Variants in DYM observed in about 807,000 individuals in gnomAD.
DYM encodes the protein dyggve-Melchior-Clausen syndrome protein.
In DYM, 78 loss-of-function variants were observed where a neutral mutation model predicts 93.1. The ratio of observed to expected loss-of-function variants is 0.84; its 90% confidence interval spans 0.70 to 1.01. The LOEUF (loss-of-function observed/expected upper bound fraction) is 1.01, where lower values mean the gene tolerates loss of function less well. Ranked by LOEUF, DYM falls within the 50% of genes least tolerant of loss-of-function variation. The pLI, the probability that DYM is intolerant of heterozygous loss-of-function variation, is 0.00. For synonymous variants in DYM, 321 were observed against 319.7 expected (o/e 1.00, Z -0.04); for missense variants, 789 against 845.0 (o/e 0.93, Z 0.82).
intron 5 of DYM, among the ~76,000 whole-genome samples, chr18:49,367,546 CAGTAGG>C (rs1375860209): frequency 5.1e-4 from 77 of 152,166 alleles, no homozygotes; most frequent in Non-Finnish European, 1.6e-4. Flanking sequence ...CCTTCCAACA[CAGTAGG>C]AGGGGAAGGG....
intron 1 of DYM, among the ~76,000 whole-genome samples, chr18:49,432,345 A>AG (rs1555744781): frequency 1.4e-4 from 21 of 150,582 alleles, no homozygotes; most frequent in African/African-American, 3.4e-4. Context: ...AAAAAAAAAA[A>AG]AAAGAAAGAA....
At chr18:49,205,884 AGT>A (rs2092449276) in intron 14 of DYM, 1 of 161,246 alleles carries the variant, frequency 6.2e-6, no homozygotes, top group African/African-American at 2.4e-5. Flanking sequence ...AGCACACAGA[AGT>A]GCTCTCTTTC....
intron 1 of DYM, among the ~76,000 whole-genome samples, chr18:49,437,178 C>T (rs1351307753): frequency 7.2e-5 from 11 of 152,168 alleles, no homozygotes; most frequent in Non-Finnish European, 1.5e-4. Context: ...ACCACCTTCT[C>T]AACTCAGAGA....
intron 16 of DYM, among the ~76,000 whole-genome samples, chr18:49,104,938 A>C (rs2080625090): frequency 6.6e-6 from 1 of 152,216 alleles, no homozygotes; most frequent in Non-Finnish European, 1.5e-5. Context: ...TGAGTTAGGG[A>C]GGATTCCCTC....
chr18:49,294,250 G>T (rs1452677049), intron 8 of DYM, among the ~76,000 whole-genome samples: 3 of 152,192 alleles, frequency 2.0e-5, no homozygotes, highest in African/African-American at 4.8e-5. Flanking sequence ...CAGGTAGCAT[G>T]ATGCCTCCAG....
intron 16 of DYM, among the ~76,000 whole-genome samples, chr18:49,111,640 T>A (rs941211910): frequency 2.6e-5 from 4 of 152,170 alleles, no homozygotes; most frequent in Non-Finnish European, 4.4e-5. Flanking sequence ...TTTGCTGGGA[T>A]CTGAAGTGCC....
At chr18:49,416,566 T>A (rs1358366343) in intron 2 of DYM, among the ~76,000 whole-genome samples, 2 of 152,192 alleles carry the variant, frequency 1.3e-5, no homozygotes, top group Admixed American at 6.6e-5. Flanking sequence ...AAGAACTTTT[T>A]AAAGATATTA....
intron 6 of DYM, among the ~76,000 whole-genome samples, chr18:49,336,347 AAT>A (rs2063676329): frequency 6.6e-6 from 1 of 152,218 alleles, no homozygotes; most frequent in Admixed American, 6.5e-5. Flanking sequence ...GGCCAAACAC[AAT>A]CAGAAGTGAG....
chr18:49,050,396 G>A (rs552526140), intron 17 of DYM, among the ~76,000 whole-genome samples: 1 of 152,146 alleles, frequency 6.6e-6, no homozygotes, highest in East Asian at 1.9e-4. Context: ...CAGTCCAGAG[G>A]GGTAACTTCT....
intron 1 of DYM, among the ~76,000 whole-genome samples, chr18:49,440,863 A>ATAAATACATTATATT (rs1555750901): frequency 4.7e-5 from 1 of 21,244 alleles, no homozygotes; most frequent in African/African-American, 1.9e-4. Flanking sequence ...ATATATTTAT[A>ATAAATACATTATATT]TTATATATAA....
chr18:49,145,905 T>G (rs1199075640), intron 15 of DYM, among the ~76,000 whole-genome samples: 1 of 152,134 alleles, frequency 6.6e-6, no homozygotes, highest in East Asian at 1.9e-4. Flanking sequence ...TTACCTTTTT[T>G]TTTGGTATTT....
chr18:49,253,073 G>A (rs1260375746), intron 13 of DYM, among the ~76,000 whole-genome samples: 1 of 152,144 alleles, frequency 6.6e-6, no homozygotes, highest in African/African-American at 2.4e-5. Context: ...GTCCAGCTAA[G>A]GAGGCTTTTC....
chr18:49,185,447 G>A (rs2090345789), intron 14 of DYM, among the ~76,000 whole-genome samples: 1 of 152,142 alleles, frequency 6.6e-6, no homozygotes, highest in Non-Finnish European at 1.5e-5. Flanking sequence ...AGTCTAGACA[G>A]GTAGAAGTTG....
intron 16 of DYM, among the ~76,000 whole-genome samples, chr18:49,108,854 A>G (rs1427774326): frequency 6.6e-6 from 1 of 152,170 alleles, no homozygotes. Flanking sequence ...TCTTCTTGCC[A>G]TTCTATCAGT....
chr18:49,320,515 C>T (rs1472906327), intron 8 of DYM, among the ~76,000 whole-genome samples: 3 of 152,150 alleles, frequency 2.0e-5, no homozygotes, highest in Admixed American at 1.3e-4. Flanking sequence ...CGCGCTGACA[C>T]CCAGGCTGAA....
intron 17 of DYM, among the ~76,000 whole-genome samples, chr18:49,067,122 G>A (rs2076455482): frequency 7.9e-6 from 1 of 125,834 alleles, no homozygotes; most frequent in African/African-American, 2.9e-5. Context: ...GTGGGGTGAT[G>A]TGAGTGTTAT....
chr18:49,213,907 T>C (rs1433478531), intron 13 of DYM, among the ~76,000 whole-genome samples: 1 of 152,186 alleles, frequency 6.6e-6, no homozygotes, highest in Non-Finnish European at 1.5e-5. Flanking sequence ...AAATACTAAC[T>C]AGCATGATTT....
chr18:49,252,615 C>T (rs1048236049), intron 13 of DYM, among the ~76,000 whole-genome samples: 1 of 152,038 alleles, frequency 6.6e-6, no homozygotes, highest in African/African-American at 2.4e-5. Flanking sequence ...ATACAAATGA[C>T]AGTAGATAAA....
intron 13 of DYM, among the ~76,000 whole-genome samples, chr18:49,256,800 T>C (rs771758591): frequency 6.6e-6 from 1 of 152,168 alleles, no homozygotes; most frequent in African/African-American, 2.4e-5. Context: ...TATAAAAAGA[T>C]TGAATGTAAA....
Sources: gnomAD v4.1 joint callset for allele counts (sites outside exome capture counted in the v4.1 genomes callset) on GRCh38, gnomAD v4.1.1 for gene constraint, MANE v1.5 for transcripts, NCBI Gene and HGNC (gene_info 2026-07-23, HGNC 2026-07-21) for gene names.